The following RAB3GAP1 variants were observed in gnomAD, a reference collection of about 807,000 sequenced individuals.
RAB3GAP1 encodes the protein rab3 GTPase-activating protein catalytic subunit.
Under a neutral mutation model 130.7 loss-of-function variants are expected in RAB3GAP1, and 86 were observed. The ratio of observed to expected loss-of-function variants is 0.66; its 90% CI spans 0.55 to 0.79. The LOEUF (loss-of-function observed/expected upper bound fraction) is 0.79, where lower values mean the gene tolerates loss of function less well. RAB3GAP1 is among the 30% of genes least tolerant of loss of function. The pLI is 0.00. For missense variants in RAB3GAP1, 1,029 were observed against 1,169.4 expected, an observed-to-expected ratio of 0.88 and a Z score of 1.75; for synonymous variants, 367 against 401.7, an observed-to-expected ratio of 0.91 and a Z score of 1.03.
At chr2:135,095,899 T>TGAGA (rs375784374) in intron 5 of RAB3GAP1, among the ~76,000 whole-genome samples, 3 of 150,702 alleles carry the variant, frequency 2.0e-5, no homozygotes, top group South Asian at 4.2e-4. Flanking sequence ...TAAGATATCT[T>TGAGA]GAGAGAGAGA....
At position 135,135,751 on chromosome 2, in the gene RAB3GAP1, G is replaced by A; in HGVS notation, c.1742G>A (p.Ser581Asn). Residue 581 changes from serine to asparagine, a missense_variant, in exon 17 of 24, where the codon AGC (serine) becomes AAC (asparagine). Physicochemically the swap from Ser to Asn is conservative, Grantham distance 46. Transcript: ENST00000264158. Reference protein sequence around the residue: ...VGKSWDSWSDSEEEFFECLSD... With the variant: ...VGKSWDSWSDNEEEFFECLSD... ...AAATCTTGGGATTCCTGGAGTGACA[G>A]CGAAGAAGAATTTTTTGAATGCCTA... The A allele has an allele frequency of 1.2e-6, 2 of 1,614,038 alleles. No homozygotes were observed. Among genetic ancestry groups the A allele is most frequent in the Non-Finnish European group, 1.7e-6 (2 of 1,179,946 alleles).
Position 135,168,552 on chromosome 2 carries a change from C to G in RAB3GAP1, c.2717C>G (p.Ala906Gly). The G allele has an allele frequency of 6.2e-7, 1 of 1,613,980 alleles. No individual in the cohort carries two copies. Among genetic ancestry groups the G allele is most frequent in the Non-Finnish European group, 8.5e-7 (1 of 1,179,852 alleles). The change falls in exon 24 of 24, where the codon GCT becomes GGT. Residue 906 changes from alanine to glycine, a missense_variant. Around this residue, in one of 3 missense-constraint regions of RAB3GAP1, gnomAD observed 146 missense variants for 143.7 expected, o/e 1.02. Coordinates refer to ENST00000264158, the MANE Select transcript of RAB3GAP1 (RefSeq NM_012233.3). The stretch of plus-strand genomic sequence containing the variant: ...CATTTGATTCTTTTCCAGGCTGCAG[C>G]TATGACTCCACCAGAGGAGGAATTG... ...KLFVNAQRAA[A>G]MTPPEEELKR... is the part of the protein sequence containing the mutation.
chr2:135,127,970 C>T (rs916869615), intron 11 of RAB3GAP1, among the ~76,000 whole-genome samples: 5 of 152,012 alleles, frequency 3.3e-5, no homozygotes, highest in Non-Finnish European at 7.4e-5. Flanking sequence ...AAAATATTTT[C>T]TCCTTTTCTT....
chr2:135,070,554 C>G (rs1287508439), intron 3 of RAB3GAP1, among the ~76,000 whole-genome samples: 3 of 152,156 alleles, frequency 2.0e-5, no homozygotes, highest in Non-Finnish European at 4.4e-5. Context: ...TGTCAGCCAG[C>G]TGGAGTGCAG....
chr2:135,127,354 T>C (rs1293489199), intron 11 of RAB3GAP1, among the ~76,000 whole-genome samples: 1 of 151,786 alleles, frequency 6.6e-6, no homozygotes, highest in Non-Finnish European at 1.5e-5. Context: ...TGTTTGTTTG[T>C]TTGTTTTGAG....
At chr2:135,057,146 C>T (rs7422031) in intron 2 of RAB3GAP1, among the ~76,000 whole-genome samples, 47,678 of 152,050 alleles carry the variant, frequency 0.31, 11,371 homozygotes, top group African/African-American at 0.65. Flanking sequence ...GCCTTCTTGA[C>T]CATTGGATTT....
intron 3 of RAB3GAP1, among the ~76,000 whole-genome samples, chr2:135,069,579 A>T (rs541964924): frequency 5.6e-4 from 86 of 152,314 alleles, no homozygotes; most frequent in African/African-American, 1.9e-3. Context: ...CATAGAACAG[A>T]TGTGTTTAAG....
intron 2 of RAB3GAP1, among the ~76,000 whole-genome samples, chr2:135,057,138 C>T (rs916931268): frequency 2.0e-5 from 3 of 152,040 alleles, no homozygotes; most frequent in African/African-American, 7.2e-5. Context: ...TTTAATAGGC[C>T]TTCTTGACCA....
chr2:135,103,102 T>C (rs924126553), intron 5 of RAB3GAP1, among the ~76,000 whole-genome samples: 22 of 133,890 alleles, frequency 1.6e-4, no homozygotes, highest in African/African-American at 6.1e-4. Flanking sequence ...AGTGGCGAAA[T>C]CTTGGCTCAC....
intron 5 of RAB3GAP1, among the ~76,000 whole-genome samples, chr2:135,107,975 C>CAAA (rs59782185): frequency 1.3e-4 from 7 of 51,950 alleles, no homozygotes; most frequent in Non-Finnish European, 2.3e-4. Context: ...AACTCCATCT[C>CAAA]AAAAAAAAAA....
downstream of RAB3GAP1, chr2:135,175,695 G>A (rs576537038): frequency 6.6e-6 from 1 of 152,292 alleles, no homozygotes; most frequent in South Asian, 2.1e-4. Context: ...AAAGACAAAA[G>A]CTATGTTGGG....
At chr2:135,144,436 C>T (rs1691939932) in intron 17 of RAB3GAP1, among the ~76,000 whole-genome samples, 1 of 152,054 alleles carries the variant, frequency 6.6e-6, no homozygotes, top group Non-Finnish European at 1.5e-5. Flanking sequence ...AAAGGCACCA[C>T]TCAAAGGGGG....
At chr2:135,074,300 C>T (rs570485774) in intron 3 of RAB3GAP1, among the ~76,000 whole-genome samples, 2 of 152,272 alleles carry the variant, frequency 1.3e-5, no homozygotes, top group East Asian at 3.9e-4. Flanking sequence ...TTATGCCAAA[C>T]GTAGGGATTG....
chr2:135,090,264 C>G (rs755253362), intron 3 of RAB3GAP1, among the ~76,000 whole-genome samples: 2 of 152,098 alleles, frequency 1.3e-5, no homozygotes, highest in Admixed American at 6.5e-5. Context: ...GATGTTTACA[C>G]TAGGTATAGC....
rs764737111 is a variant in RAB3GAP1 at position 135,133,951 on chromosome 2, G to A, written c.1417G>A (p.Gly473Arg). 5 of 1,613,820 alleles carry A rather than the reference G, an allele frequency of 3.1e-6. No homozygotes were observed. The South Asian group carries it at 3.3e-5, about 11-fold the overall frequency. The change falls in exon 15 of 24, where the codon GGG becomes AGG. Residue 473 changes from glycine to arginine, a missense_variant. By Grantham distance (125) the Gly-to-Arg change is moderately radical (BLOSUM62 -2). Transcript: ENST00000264158. ...CTGTATGATCAATTTTTACCATGGA[G>A]GGTTGAAAGGAGTGGCACACCTCTG... Reference protein sequence around the residue: ...CLCMINFYHGGLKGVAHLWQE... With the variant: ...CLCMINFYHGRLKGVAHLWQE...
intron 5 of RAB3GAP1, among the ~76,000 whole-genome samples, chr2:135,106,128 G>A (rs1001215659): frequency 2.0e-5 from 3 of 151,434 alleles, no homozygotes; most frequent in Admixed American, 6.6e-5. Flanking sequence ...CAGCCGCCCC[G>A]TCCAGGAGGT....
In RAB3GAP1 at chr2:135,124,242, AT is replaced by A; in HGVS notation, c.828del (p.Ser277ValfsTer5). The A allele has an allele frequency of 2.5e-6, 4 of 1,613,508 alleles. No individual in the cohort carries two copies. The highest frequency in any genetic ancestry group is 3.4e-6 in the Non-Finnish European group (4 of 1,179,398). On this transcript the variant is annotated frameshift_variant, in exon 9 of 24. Coordinates refer to ENST00000264158, the MANE Select transcript of RAB3GAP1 (RefSeq NM_012233.3). LOFTEE classifies it high-confidence loss of function. ...KLPFGACEDP[I>X]SELHLATTWP... ...ACCATTTGGTGCCTGCGAAGATCCTATTAGGTGAGAATTTCAACCTGTCATT... is the reference window on the plus strand; with the variant it reads ...ACCATTTGGTGCCTGCGAAGATCCTATAGGTGAGAATTTCAACCTGTCATT...
chr2:135,117,444 T>TCTGCTTCTGCTTCTGCTTCTTCTG (rs1691007624), intron 7 of RAB3GAP1, among the ~76,000 whole-genome samples: 1 of 107,632 alleles, frequency 9.3e-6, no homozygotes, highest in Non-Finnish European at 2.0e-5. Flanking sequence ...TTCTTCTTCT[T>TCTGCTTCTGCTTCTGCTTCTTCTG]CTTCTTCTTC....
chr2:135,061,504 T>C (rs1283081212), intron 3 of RAB3GAP1, among the ~76,000 whole-genome samples: 2 of 152,208 alleles, frequency 1.3e-5, no homozygotes, highest in Admixed American at 1.3e-4. Context: ...TTTATATTTC[T>C]CATTTTGGTT....
Sources: allele counts gnomAD v4.1 joint callset (sites outside exome capture counted in the v4.1 genomes callset), GRCh38; gene constraint gnomAD v4.1.1; regional missense constraint gnomAD v4.1.1; transcripts MANE v1.5; gene names NCBI Gene and HGNC (gene_info 2026-07-23, HGNC 2026-07-21).